The following NALF1 variants were observed in gnomAD, a reference collection of about 807,000 sequenced individuals.
The protein encoded by NALF1 is NALCN channel auxiliary factor 1.
In NALF1, 3 loss-of-function variants were observed where a neutral mutation model predicts 48.4. That is an observed-to-expected ratio of 0.06 (90% confidence interval 0.03 to 0.16). NALF1 has a LOEUF of 0.16. NALF1 is among the 10% of genes least tolerant of loss of function. NALF1 has a pLI of 1.00. For synonymous variants in NALF1, 262 were observed against 245.7 expected, an observed-to-expected ratio of 1.07 and a Z score of -0.62; for missense variants, 526 against 571.5, an observed-to-expected ratio of 0.92 and a Z score of 0.81.
At chr13:107,774,536 G>C (rs959035780) in intron 1 of NALF1, among the ~76,000 whole-genome samples, 4 of 152,162 alleles carry the variant, frequency 2.6e-5, no homozygotes, top group Non-Finnish European at 5.9e-5. Context: ...AGACTAAATT[G>C]TTTATTAGTG....
intron 1 of NALF1, among the ~76,000 whole-genome samples, chr13:107,650,294 T>G (rs1455690942): frequency 2.7e-5 from 4 of 150,240 alleles, no homozygotes; most frequent in African/African-American, 9.8e-5. Context: ...GGGCGAGCGA[T>G]GAGGCTGCGC....
intron 1 of NALF1, among the ~76,000 whole-genome samples, chr13:107,578,517 T>C: frequency 6.6e-6 from 1 of 152,192 alleles, no homozygotes; most frequent in East Asian, 1.9e-4. Context: ...CAAAACTTCT[T>C]TTATATCCTC....
In NALF1 at chr13:107,362,382, C is replaced by T. The variant is rs1341173361; in HGVS notation, c.916-151627G>A. The stretch of plus-strand genomic sequence containing the variant: ...TCTGAAATCAAGGTGGTGTCAGGAC[C>T]ATGCTTCCTCTGAAACCTGTAGAGT... On this transcript the variant is annotated intron_variant, in intron 1 of 2. Transcript: ENST00000375915. This position sits in a 1 kb window ranked among gnomAD's most constrained non-coding sequence, Gnocchi z 4.6. Among the ~76,000 whole-genome samples the T allele has an allele frequency of 2.0e-5, 3 of 152,158 alleles. No homozygotes were observed. Among genetic ancestry groups the T allele is most frequent in the Non-Finnish European group, 4.4e-5 (3 of 68,042 alleles).
intron 1 of NALF1, among the ~76,000 whole-genome samples, chr13:107,475,310 C>G (rs1048841437): frequency 7.9e-5 from 12 of 152,190 alleles, no homozygotes; most frequent in African/African-American, 2.9e-4. Context: ...GGTCCAAACA[C>G]AAGACAGCAC....
intron 1 of NALF1, among the ~76,000 whole-genome samples, chr13:107,613,918 A>G (rs6492060): frequency 6.6e-6 from 1 of 152,216 alleles, no homozygotes; most frequent in Non-Finnish European, 1.5e-5. Context: ...CCTGTTGGCA[A>G]GTCACTTAGT....
chr13:107,816,400 C>T (rs1204545891), intron 1 of NALF1, among the ~76,000 whole-genome samples: 3 of 152,142 alleles, frequency 2.0e-5, no homozygotes, highest in Non-Finnish European at 4.4e-5. Flanking sequence ...AGGCAAAAGG[C>T]ACTTCTTACA....
chr13:107,741,562 G>A (rs140739224), intron 1 of NALF1, among the ~76,000 whole-genome samples: 1 of 152,050 alleles, frequency 6.6e-6, no homozygotes, highest in Non-Finnish European at 1.5e-5. Flanking sequence ...AACGGGAAGA[G>A]AAATATCTTG....
rs548444222 is a variant in NALF1 at position 107,675,559 on chromosome 13, T to A, written c.915+190123A>T. ...TGTATCTTCAATCATATTGAAGTCCTCAAATAAGTGTTTTTGTTTCATTAA... is the reference window on the plus strand; with the variant it reads ...TGTATCTTCAATCATATTGAAGTCCACAAATAAGTGTTTTTGTTTCATTAA... On this transcript the variant is annotated intron_variant, in intron 1 of 2. Coordinates refer to ENST00000375915, the MANE Select transcript of NALF1 (RefSeq NM_001080396.3). 9.2e-5 allele frequency among the ~76,000 whole-genome samples: 14 copies of A among 152,348 alleles called. No homozygotes were observed. In the South Asian group the frequency reaches 1.7e-3, roughly 18 times the overall value.
Position 107,488,944 on chromosome 13 carries a change from GT to G in NALF1, c.916-278190del, listed in dbSNP as rs1885372626. 2.0e-5 allele frequency among the ~76,000 whole-genome samples: 3 copies of G among 152,156 alleles called. No individual in the cohort carries two copies. The South Asian group carries it at 6.2e-4, about 32-fold the overall frequency. On this transcript the variant is annotated intron_variant, in intron 1 of 2. Coordinates refer to ENST00000375915, the MANE Select transcript of NALF1 (RefSeq NM_001080396.3). Reference sequence around the variant, plus strand: ...AGCAGTCTCAGGATACAAAATTAACGTGCAAAAATTGCTAGCATTCCTATAC... The same window carrying G: ...AGCAGTCTCAGGATACAAAATTAACGGCAAAAATTGCTAGCATTCCTATAC...
chr13:107,289,013 A>T (rs1369672269), intron 1 of NALF1, among the ~76,000 whole-genome samples: 2 of 152,228 alleles, frequency 1.3e-5, no homozygotes, highest in Admixed American at 6.5e-5. Flanking sequence ...AAACTATGTG[A>T]AACATAGATA....
intron 1 of NALF1, among the ~76,000 whole-genome samples, chr13:107,828,492 G>GTTTTT (rs35255869): frequency 1.5e-5 from 2 of 136,750 alleles, no homozygotes; most frequent in African/African-American, 2.7e-5. Context: ...CCACTGACTT[G>GTTTTT]TTTTTTTTTT....
At chr13:107,187,700 C>G (rs1379110790) in intron 2 of NALF1, among the ~76,000 whole-genome samples, 1 of 152,186 alleles carries the variant, frequency 6.6e-6, no homozygotes, top group African/African-American at 2.4e-5. Context: ...ATTCCTGGCC[C>G]TTTTTGTTCT....
At chr13:107,461,883 A>G (rs935820111) in intron 1 of NALF1, among the ~76,000 whole-genome samples, 1 of 152,220 alleles carries the variant, frequency 6.6e-6, no homozygotes, top group Non-Finnish European at 1.5e-5. Context: ...TAAGAAAACA[A>G]ACAGACACTG....
intron 1 of NALF1, among the ~76,000 whole-genome samples, chr13:107,547,311 T>C (rs1191199683): frequency 2.0e-5 from 3 of 152,174 alleles, no homozygotes; most frequent in Non-Finnish European, 2.9e-5. Flanking sequence ...TCCAGAAAAA[T>C]TGAATTTTGT....
intron 1 of NALF1, among the ~76,000 whole-genome samples, chr13:107,600,208 C>G (rs2138423997): frequency 6.6e-6 from 1 of 152,202 alleles, no homozygotes; most frequent in East Asian, 1.9e-4. Flanking sequence ...TGGAAGACAG[C>G]AATGCAGCAA....
intron 1 of NALF1, among the ~76,000 whole-genome samples, chr13:107,509,728 T>C (rs1875817937): frequency 6.6e-6 from 1 of 152,134 alleles, no homozygotes; most frequent in Admixed American, 6.6e-5. Context: ...ACTGTCAGAT[T>C]ATAAGGCTTT....
At chr13:107,373,213 T>C (rs1015180967) in intron 1 of NALF1, among the ~76,000 whole-genome samples, 2 of 152,144 alleles carry the variant, frequency 1.3e-5, no homozygotes, top group Admixed American at 6.5e-5. Context: ...TAAGGAAGAA[T>C]AGACCTAACA....
chr13:107,506,351 A>G (rs1734064841), intron 1 of NALF1, among the ~76,000 whole-genome samples: 1 of 152,138 alleles, frequency 6.6e-6, no homozygotes, highest in Non-Finnish European at 1.5e-5. Context: ...ATTTTTAAAA[A>G]TATACTAGAT....
chr13:107,601,669 C>T (rs1878930377), intron 1 of NALF1, among the ~76,000 whole-genome samples: 1 of 152,006 alleles, frequency 6.6e-6, no homozygotes, highest in Admixed American at 6.6e-5. Flanking sequence ...GTGTCTCATT[C>T]GCAACTGTTT....
Sources: allele counts gnomAD v4.1 joint callset (sites outside exome capture counted in the v4.1 genomes callset), GRCh38; gene constraint gnomAD v4.1.1; non-coding constraint Gnocchi (gnomAD v3.1); transcripts MANE v1.5; gene names NCBI Gene and HGNC (gene_info 2026-07-23, HGNC 2026-07-21).